Variants in DCDC1 observed in about 807,000 individuals in gnomAD.
The protein encoded by DCDC1 is doublecortin domain containing 1.
Under a neutral mutation model 178.3 loss-of-function variants are expected in DCDC1, and 200 were observed. The observed-to-expected ratio is 1.12, with a 90% CI of 1.00 to 1.26. The LOEUF is 1.26. Among genes scored for constraint, DCDC1 ranks in the 50% most tolerant of loss-of-function variants. The probability of loss-of-function intolerance (pLI) is 0.00; values close to 1 mark genes in which losing one functional copy is unlikely to be tolerated. For synonymous variants in DCDC1, 690 were observed against 604.8 expected (o/e 1.14, Z -2.07); for missense variants, 1,983 against 1,749.2 (o/e 1.13, Z -2.38).
intron 1 of DCDC1, among the ~76,000 whole-genome samples, chr11:31,362,717 A>G (rs1419841900): frequency 6.6e-6 from 1 of 152,204 alleles, no homozygotes; most frequent in East Asian, 1.9e-4. Flanking sequence ...AAGTAATACT[A>G]TGAATTGCTG....
At chr11:30,909,422 T>A (rs1945292892) in intron 28 of DCDC1, among the ~76,000 whole-genome samples, 1 of 152,150 alleles carries the variant, frequency 6.6e-6, no homozygotes, top group Non-Finnish European at 1.5e-5. Flanking sequence ...CATTTCATTT[T>A]AGGGATATTT....
At chr11:31,204,686 G>A (rs189883221) in intron 9 of DCDC1, among the ~76,000 whole-genome samples, 1 of 152,264 alleles carries the variant, frequency 6.6e-6, no homozygotes, top group East Asian at 1.9e-4. Context: ...GCCAGGCATG[G>A]TGGCAGGAGC....
intron 20 of DCDC1, among the ~76,000 whole-genome samples, chr11:31,028,615 C>T (rs1238178688): frequency 6.6e-6 from 1 of 151,898 alleles, no homozygotes; most frequent in Non-Finnish European, 1.5e-5. Context: ...TTCAAATAGA[C>T]TAGCAAATTT....
At chr11:30,875,504 T>G (rs1565010934) in intron 38 of DCDC1, among the ~76,000 whole-genome samples, 1 of 151,440 alleles carries the variant, frequency 6.6e-6, no homozygotes, top group Non-Finnish European at 1.5e-5. Context: ...CGCTTCCAAA[T>G]GACGCAGATT....
chr11:31,148,978 A>G (rs1390121443), intron 9 of DCDC1, among the ~76,000 whole-genome samples: 2 of 152,072 alleles, frequency 1.3e-5, no homozygotes, highest in Non-Finnish European at 2.9e-5. Context: ...CCACTTATAA[A>G]TGAGAACATA....
intron 20 of DCDC1, among the ~76,000 whole-genome samples, chr11:30,957,034 A>T: frequency 6.6e-6 from 1 of 152,070 alleles, no homozygotes; most frequent in Non-Finnish European, 1.5e-5. Context: ...AAATCTACCC[A>T]GCTCCCTACC....
rs377081428 is a variant in DCDC1 at position 30,922,515 on chromosome 11, G to A, written c.3121C>T (p.His1041Tyr). 490 of 1,548,610 alleles carry A rather than the reference G, an allele frequency of 3.2e-4. 3 individuals are homozygous for A. In the South Asian group the frequency reaches 5.9e-3, roughly 19 times the overall value. Residue 1041 changes from histidine (H) to tyrosine (Y), a missense_variant, in exon 24 of 39, where the codon CAT becomes TAT. His to Tyr is a moderately conservative substitution (Grantham distance 83, BLOSUM62 2). Coordinates refer to ENST00000684477, the MANE Select transcript of DCDC1 (RefSeq NM_001387274.1). ...IAKIQIFCST[H>Y]KIEALVLEVQ... ...TTCCAATGCTTACCTTCTATTTTAT[G>A]TGTGCTGCAGAAGATTTGAATTTTG...
At chr11:30,964,468 G>A (rs142032635) in intron 20 of DCDC1, among the ~76,000 whole-genome samples, 8 of 152,178 alleles carry the variant, frequency 5.3e-5, no homozygotes, top group African/African-American at 1.9e-4. Context: ...TTAACACCAT[G>A]ATGCAATGCT....
chr11:31,078,947 G>C (rs1016353112), intron 17 of DCDC1, among the ~76,000 whole-genome samples: 1 of 152,022 alleles, frequency 6.6e-6, no homozygotes, highest in Non-Finnish European at 1.5e-5. Flanking sequence ...AGGGCAGTGA[G>C]GAAATGAAAA....
At chr11:31,206,502 C>T (rs192762293) in intron 9 of DCDC1, among the ~76,000 whole-genome samples, 2 of 152,306 alleles carry the variant, frequency 1.3e-5, no homozygotes, top group Admixed American at 1.3e-4. Context: ...CAACCTCCGC[C>T]TCCCAGGCTC....
chr11:31,076,047 C>G (rs567195347), intron 18 of DCDC1, among the ~76,000 whole-genome samples: 2 of 151,994 alleles, frequency 1.3e-5, no homozygotes, highest in African/African-American at 4.8e-5. Context: ...TTAGTAGAGA[C>G]GGGGTTTCTC....
chr11:30,923,013 G>A (rs1946348742), intron 23 of DCDC1, among the ~76,000 whole-genome samples: 1 of 151,492 alleles, frequency 6.6e-6, no homozygotes, highest in Admixed American at 6.6e-5. Flanking sequence ...GGGAAAGAAG[G>A]GAGCAAGGGA....
chr11:31,342,312 C>T lies in DCDC1; in HGVS notation c.-124-6748G>A, dbSNP rs1023611989. On this transcript the variant is annotated intron_variant, in intron 1 of 38. Transcript: ENST00000684477. ...ACCTATTGACATAAGAGAATGATCA[C>T]GTGTTTCTCTTGCACTTTCTAACTA... Among the ~76,000 whole-genome samples, 5 of 152,272 alleles carry T rather than the reference C, an allele frequency of 3.3e-5. No individual in the cohort carries two copies. In the South Asian group the frequency reaches 6.2e-4, roughly 19 times the overall value.
intron 2 of DCDC1, among the ~76,000 whole-genome samples, chr11:31,334,321 G>A (rs945907417): frequency 1.3e-5 from 2 of 152,154 alleles, no homozygotes; most frequent in East Asian, 1.9e-4. Flanking sequence ...CAATGGGTTC[G>A]AACATCCTCC....
At chr11:31,254,846 C>A (rs974517187) in intron 8 of DCDC1, among the ~76,000 whole-genome samples, 4 of 152,078 alleles carry the variant, frequency 2.6e-5, no homozygotes, top group Admixed American at 2.6e-4. Context: ...AGCTCAGTGG[C>A]ATTTAGTAGA....
chr11:31,194,190 C>T (rs1458849641), intron 9 of DCDC1, among the ~76,000 whole-genome samples: 1 of 152,096 alleles, frequency 6.6e-6, no homozygotes, highest in Non-Finnish European at 1.5e-5. Context: ...CAAGCCCTTG[C>T]TTCTGATTCA....
intron 9 of DCDC1, among the ~76,000 whole-genome samples, chr11:31,213,536 A>G (rs1467745783): frequency 1.3e-5 from 2 of 152,016 alleles, no homozygotes; most frequent in Non-Finnish European, 2.9e-5. Context: ...CCTGACCAAC[A>G]TGGTGAAACC....
At chr11:31,241,131 ACTT>A (rs1423595615) in intron 9 of DCDC1, among the ~76,000 whole-genome samples, 1 of 152,022 alleles carries the variant, frequency 6.6e-6, no homozygotes, top group African/African-American at 2.4e-5. Context: ...CCTTCAAATG[ACTT>A]AGGAGCTATT....
intron 9 of DCDC1, among the ~76,000 whole-genome samples, chr11:31,202,703 A>G (rs1449959189): frequency 6.6e-6 from 1 of 152,212 alleles, no homozygotes; most frequent in Non-Finnish European, 1.5e-5. Context: ...GATAACCAAC[A>G]TAAGAGACAA....
Sources: allele counts gnomAD v4.1 joint callset (sites outside exome capture counted in the v4.1 genomes callset), GRCh38; gene constraint gnomAD v4.1.1; transcripts MANE v1.5; gene names NCBI Gene and HGNC (gene_info 2026-07-23, HGNC 2026-07-21).